Variants in CELA3A observed in about 807,000 individuals in gnomAD.
The protein encoded by CELA3A is chymotrypsin like elastase 3A, also known as chymotrypsin-like elastase family member 3A.
Under a neutral mutation model 38.6 loss-of-function variants are expected in CELA3A, and 35 were observed. The observed-to-expected ratio is 0.91, with a 90% confidence interval of 0.69 to 1.20. The LOEUF (loss-of-function observed/expected upper bound fraction) is 1.20. CELA3A is among the 50% of genes most tolerant of loss of function. CELA3A has a pLI of 0.00. For missense variants in CELA3A, 343 were observed against 354.2 expected (o/e 0.97, Z 0.25); for synonymous variants, 143 against 136.7 (o/e 1.05, Z -0.32).
intron 4 of CELA3A, chr1:22,006,015 T>A: frequency 1.4e-5 from 10 of 715,578 alleles, no homozygotes; most frequent in Non-Finnish European, 2.3e-5. Context: ...CCTGTCTCCC[T>A]ACAGAGGGGA....
chr1:22,001,723 A>T lies in CELA3A; in HGVS notation c.43+6A>T, dbSNP rs192781058. ...CCTCCTCCTTGTGGCCGTTGGTAAG[A>T]CCCCAACCTGTCTGTGTGCTCCCTG... On this transcript the variant is annotated splice_donor_region_variant and intron_variant, in intron 1 of 7. Coordinates refer to ENST00000290122, the MANE Select transcript of CELA3A (RefSeq NM_005747.5). The T allele has an allele frequency of 6.3e-5, 101 of 1,611,814 alleles. 1 individual carries two copies. In the Admixed American group the frequency reaches 1.4e-3, roughly 22 times the overall value.
intron 2 of CELA3A, among the ~76,000 whole-genome samples, chr1:22,003,650 C>T (rs2152819191): frequency 6.7e-6 from 1 of 150,104 alleles, no homozygotes; most frequent in East Asian, 2.0e-4. Flanking sequence ...CACTGCACTC[C>T]AGCCCCGGGC....
At chr1:22,004,644 C>A (rs1644937780) in intron 2 of CELA3A, among the ~76,000 whole-genome samples, 1 of 151,968 alleles carries the variant, frequency 6.6e-6, no homozygotes. Context: ...CAAAAACAGA[C>A]CAGAAGCCTG....
intron 7 of CELA3A, chr1:22,010,591 G>A (rs1355026701): frequency 2.8e-5 from 4 of 144,250 alleles, no homozygotes; most frequent in African/African-American, 1.1e-4. Context: ...ACTGCAGCCT[G>A]GGTGACAGAG....
chr1:22,005,605 T>C (rs1644944658), intron 3 of CELA3A, 57 bp from the exon 4 acceptor site: 2 of 1,611,636 alleles, frequency 1.2e-6, no homozygotes, highest in Admixed American at 3.3e-5. Context: ...TGGGTGATGA[T>C]GGGGAAGGAG....
chr1:22,001,755 C>G (rs773828096), intron 1 of CELA3A, 38 bp downstream of exon 1: 2 of 1,609,732 alleles, frequency 1.2e-6, no homozygotes, highest in Non-Finnish European at 8.5e-7. Flanking sequence ...CCTGGGCTGC[C>G]CTGGACTAGG....
At position 22,007,516 on chromosome 1, in the gene CELA3A, G is replaced by A. The variant is rs771315698; in HGVS notation, c.642+1G>A. 13 of 1,609,146 alleles carry A rather than the reference G, an allele frequency of 8.1e-6. No homozygotes were observed. The African/African-American group carries it at 9.4e-5, about 12-fold the overall frequency. On this transcript the variant is annotated splice_donor_variant, in intron 6 of 7. Transcript: ENST00000290122. LOFTEE classifies it high-confidence loss of function. ...AGGGTACATCCGCTCCGGCTGCAAC[G>A]TGAGTCAGCTCTTACCTGCCCGAGG...
rs113014774 is a variant in CELA3A at position 22,006,335 on chromosome 1, C to T, written c.362+539C>T. On this transcript the variant is annotated intron_variant, in intron 4 of 7. Transcript: ENST00000290122. The stretch of plus-strand genomic sequence containing the variant: ...CTGGGTGGTGTGAAGGCCAAGGAGA[C>T]AATCTTATGCCTTTCAAGTGTATGA... Among the ~76,000 whole-genome samples the T allele has an allele frequency of 5.6e-4, 84 of 151,298 alleles. 6 individuals carry two copies. Among genetic ancestry groups the T allele is most frequent in the African/African-American group, 2.0e-3 (82 of 40,918 alleles).
chr1:22,005,794 T>C lies in CELA3A; in HGVS notation c.360T>C (p.Cys120=), dbSNP rs367832323. Residue 120 remains cysteine (C), a splice_region_variant and synonymous_variant, in exon 4 of 8, where the codon TGT becomes TGC. Transcript: ENST00000290122. The part of the protein sequence containing the change: ...HPLWNRSCVA[C]GNDIALIKLS... Reference sequence around the variant, plus strand: ...TCTGGAACCGCTCGTGTGTGGCCTGTGGGTGAGTGAATGCTCCGGTCTGGA... The same window carrying C: ...TCTGGAACCGCTCGTGTGTGGCCTGCGGGTGAGTGAATGCTCCGGTCTGGA... 1.9e-6 allele frequency: 3 copies of C among 1,611,194 alleles called. No individual in the cohort carries two copies. The highest frequency in any genetic ancestry group is 2.7e-5 in the African/African-American group (2 of 74,506).
chr1:22,004,651 C>G (rs1185509444), intron 2 of CELA3A, among the ~76,000 whole-genome samples: 13 of 151,952 alleles, frequency 8.6e-5, no homozygotes, highest in African/African-American at 2.4e-4. Flanking sequence ...AGACCAGAAG[C>G]CTGATGTGCC....
intron 5 of CELA3A, 148 bp from the exon 6 acceptor site, chr1:22,007,225 T>C (rs1252550970): frequency 2.0e-5 from 26 of 1,294,010 alleles, no homozygotes; most frequent in Non-Finnish European, 2.7e-5. Context: ...AGGGATGTAA[T>C]GGTGCACAAA....
intron 6 of CELA3A, 148 bp downstream of exon 6, chr1:22,007,663 C>G: frequency 1.5e-6 from 2 of 1,333,618 alleles, no homozygotes; most frequent in Non-Finnish European, 2.0e-6. Flanking sequence ...TCAGCGCAGT[C>G]CAGACACAGA....
intron 6 of CELA3A, among the ~76,000 whole-genome samples, chr1:22,009,230 A>G (rs146131710): frequency 0.023 from 3,469 of 151,236 alleles, 108 homozygotes; most frequent in Non-Finnish European, 0.034. Context: ...CGGGCGTGGT[A>G]GTGGGCACCT....
At chr1:22,001,767 A>G in intron 1 of CELA3A, 50 bp downstream of exon 1, 1 of 1,603,986 alleles carries the variant, frequency 6.2e-7, no homozygotes. Flanking sequence ...TGGACTAGGA[A>G]TCCTTGAAAT....
intron 6 of CELA3A, 141 bp from the exon 7 acceptor site, chr1:22,009,564 T>C (rs1644970931): frequency 1.8e-6 from 2 of 1,106,474 alleles, no homozygotes; most frequent in Admixed American, 6.4e-5. Context: ...AAAATAAAAA[T>C]AATAAATGAT....
At position 22,007,402 on chromosome 1, in the gene CELA3A, C is replaced by T; in HGVS notation, c.529C>T (p.Gln177Ter). 1 of 1,612,120 alleles carries T rather than the reference C, an allele frequency of 6.2e-7. No individual in the cohort carries two copies. Among genetic ancestry groups the T allele is most frequent in the Non-Finnish European group, 8.5e-7 (1 of 1,179,228 alleles). ...TNGPLPDKLQ[Q>*]ARLPVVDYKH... ...TGGGCCACTCCCAGACAAGCTGCAG[C>T]AGGCCCGGCTGCCCGTGGTGGACTA... is the stretch of plus-strand genomic sequence containing the variant. The change falls in exon 6 of 8, where the codon CAG becomes TAG. Residue 177 changes from glutamine (Q) to a stop codon, truncating the protein, a stop_gained. Coordinates refer to ENST00000290122, the MANE Select transcript of CELA3A (RefSeq NM_005747.5). LOFTEE classifies it high-confidence loss of function.
intron 6 of CELA3A, among the ~76,000 whole-genome samples, chr1:22,008,152 C>CTCTTTTTTTT (rs1553188585): frequency 1.2e-5 from 1 of 86,844 alleles, no homozygotes; most frequent in African/African-American, 3.7e-5. Flanking sequence ...GACGTTGTCT[C>CTCTTTTTTTT]TTTTTTTTTT....
At chr1:22,002,320 C>A (rs1486334641) in intron 1 of CELA3A, among the ~76,000 whole-genome samples, 16 of 151,198 alleles carry the variant, frequency 1.1e-4, no homozygotes, top group Admixed American at 1.1e-3. Context: ...AGTAAAGTAG[C>A]TTATCATAGA....
chr1:22,002,212 A>G (rs1488025942), intron 1 of CELA3A, among the ~76,000 whole-genome samples: 5 of 151,186 alleles, frequency 3.3e-5, no homozygotes, highest in African/African-American at 1.2e-4. Context: ...TGCCAGGCAG[A>G]ATGTTTAGGG....
Sources: gnomAD v4.1 joint callset for allele counts (sites outside exome capture counted in the v4.1 genomes callset) on GRCh38, gnomAD v4.1.1 for gene constraint, MANE v1.5 for transcripts, NCBI Gene and HGNC (gene_info 2026-07-23, HGNC 2026-07-21) for gene names.